Variants in KIAA1614 observed in about 807,000 individuals in gnomAD.
KIAA1614 encodes the protein KIAA1614.
A neutral mutation model predicts 88.7 loss-of-function variants in KIAA1614; 76 were observed. The observed-to-expected ratio is 0.86, with a 90% confidence interval of 0.71 to 1.04. KIAA1614 has a LOEUF of 1.04. KIAA1614 is among the 50% of genes least tolerant of loss of function. The pLI, the probability that KIAA1614 is intolerant of heterozygous loss-of-function variation, is 0.00. For synonymous variants in KIAA1614, 714 were observed against 675.5 expected, an observed-to-expected ratio of 1.06 and a Z score of -0.88; for missense variants, 1,553 against 1,582.5, an observed-to-expected ratio of 0.98 and a Z score of 0.32.
At position 180,935,574 on chromosome 1, in the gene KIAA1614, C is replaced by G. The variant is rs371339970; in HGVS notation, c.1665C>G (p.Pro555=). 1.2e-6 allele frequency: 2 copies of G among 1,605,370 alleles called. No individual in the cohort carries two copies. The highest frequency in any genetic ancestry group is 1.7e-6 in the Non-Finnish European group (2 of 1,176,012). ...DPRPAQGKAP[P]VPRTLQELQA... ...GCCCCGCCCAGGGGAAGGCGCCCCCCGTCCCCAGGACCCTCCAGGAGCTCC... is the reference window on the plus strand; with the variant it reads ...GCCCCGCCCAGGGGAAGGCGCCCCCGGTCCCCAGGACCCTCCAGGAGCTCC... The change falls in exon 5 of 9, where the codon CCC becomes CCG. Residue 555 remains proline, a synonymous_variant. Transcript: ENST00000367588. This position sits in a 1 kb window ranked among gnomAD's most constrained non-coding sequence, Gnocchi z 6.1.
At chr1:180,929,851 C>T (rs1310255238) in intron 4 of KIAA1614, among the ~76,000 whole-genome samples, 4 of 152,168 alleles carry the variant, frequency 2.6e-5, no homozygotes, top group Admixed American at 1.3e-4. Context: ...TGAATCACCA[C>T]GTGGCAGTGG....
chr1:180,940,736 T>C (rs909906615), intron 6 of KIAA1614, among the ~76,000 whole-genome samples: 1 of 151,984 alleles, frequency 6.6e-6, no homozygotes, highest in African/African-American at 2.4e-5. Context: ...TTTCTTTTTT[T>C]TGGGTCTCAC....
intron 1 of KIAA1614, chr1:180,913,707 C>G (rs2280189): frequency 0.28 from 43,130 of 156,446 alleles, 6,356 homozygotes; most frequent in East Asian, 0.5. Flanking sequence ...TCACTGCAAC[C>G]TCGACCTCCC....
At chr1:180,937,252 C>A (rs1382336435) in intron 5 of KIAA1614, among the ~76,000 whole-genome samples, 2 of 152,250 alleles carry the variant, frequency 1.3e-5, no homozygotes, top group Non-Finnish European at 2.9e-5. Flanking sequence ...GAGCAGGAGT[C>A]CTGCCCTTGA....
chr1:180,942,070 C>G (rs957897446), intron 7 of KIAA1614, among the ~76,000 whole-genome samples: 3 of 147,588 alleles, frequency 2.0e-5, no homozygotes, highest in African/African-American at 5.0e-5. Context: ...CCCACCCCCC[C>G]AGCCCCGCTC....
chr1:180,944,283 G>A, intron 7 of KIAA1614, 106 bp from the exon 8 acceptor site: 1 of 1,122,400 alleles, frequency 8.9e-7, no homozygotes, highest in East Asian at 2.5e-5. Flanking sequence ...AAAAGCTTGT[G>A]CTGTCACTTT....
At chr1:180,939,361 T>G (rs1654403660) in intron 6 of KIAA1614, among the ~76,000 whole-genome samples, 1 of 152,202 alleles carries the variant, frequency 6.6e-6, no homozygotes, top group African/African-American at 2.4e-5. Context: ...GACATCTCCA[T>G]CAGGGGGTCT....
At chr1:180,934,539 G>A (rs754590245) in intron 4 of KIAA1614, among the ~76,000 whole-genome samples, 5 of 152,116 alleles carry the variant, frequency 3.3e-5, no homozygotes, top group African/African-American at 4.8e-5. Context: ...GTAGTGAACC[G>A]AGATCATGTC....
At chr1:180,940,617 C>T (rs1174191215) in intron 6 of KIAA1614, among the ~76,000 whole-genome samples, 2 of 152,134 alleles carry the variant, frequency 1.3e-5, no homozygotes, top group Non-Finnish European at 2.9e-5. Context: ...GAGTATCTGG[C>T]AGTCTTTTTT....
chr1:180,917,348 G>A (rs571448599), intron 2 of KIAA1614, among the ~76,000 whole-genome samples: 47 of 152,300 alleles, frequency 3.1e-4, no homozygotes, highest in African/African-American at 9.9e-4. Context: ...GCCACCCTGC[G>A]TGCTTGGGGT....
In KIAA1614 at chr1:180,945,902, C is replaced by T. The variant is rs1654581158; in HGVS notation, c.*314C>T. The T allele has an allele frequency of 8.2e-6, 6 of 734,638 alleles. No homozygotes were observed. The highest frequency in any genetic ancestry group is 5.5e-4 in the Middle Eastern group (1 of 1,802). 45.5% of individuals were successfully genotyped at this position (734,638 alleles called of 1,614,324 possible). A position where few individuals can be genotyped will look rare whatever the true frequency, so the allele number is the denominator to read the frequency against. On this transcript the variant is annotated 3_prime_UTR_variant, in exon 9 of 9. Transcript: ENST00000367588. Reference sequence around the variant, plus strand: ...CCTGGATCACCTGAGGTCAGGAGTTCGAGACCAGTCTGGCCCACATGGTGA... The same window carrying T: ...CCTGGATCACCTGAGGTCAGGAGTTTGAGACCAGTCTGGCCCACATGGTGA...
In KIAA1614 at chr1:180,949,630, G is replaced by A. The variant is rs1052155652; in HGVS notation, c.*4042G>A. 2 of 152,348 alleles carry A rather than the reference G, an allele frequency of 1.3e-5. No homozygotes were observed. The highest frequency in any genetic ancestry group is 4.8e-5 in the African/African-American group (2 of 41,450). 9.4% of individuals were successfully genotyped at this position (152,348 alleles called of 1,614,324 possible). A position where few individuals can be genotyped will look rare whatever the true frequency, so the allele number is the denominator to read the frequency against. ...CTTGGCACCTTCTAGACCCAGGCAG[G>A]GCCTCTTTGGGGTGGGGAGGAGGGG... On this transcript the variant is annotated 3_prime_UTR_variant, in exon 9 of 9. Coordinates refer to ENST00000367588, the MANE Select transcript of KIAA1614 (RefSeq NM_020950.2).
intron 2 of KIAA1614, among the ~76,000 whole-genome samples, 165 bp from the exon 3 acceptor site, chr1:180,917,686 C>T (rs1463074958): frequency 6.6e-6 from 1 of 152,168 alleles, no homozygotes; most frequent in African/African-American, 2.4e-5. Context: ...GTGCCCACAG[C>T]AGTCATCGTG....
chr1:180,913,228 C>G lies in KIAA1614; in HGVS notation c.-16C>G. Reference sequence around the variant, plus strand: ...GGAGGGAGAAGGGGCTGGAGAGGGCCTGGCCTCTCCGAGGGATGGAGGGGA... The same window carrying G: ...GGAGGGAGAAGGGGCTGGAGAGGGCGTGGCCTCTCCGAGGGATGGAGGGGA... On this transcript the variant is annotated 5_prime_UTR_variant, in exon 1 of 9. Transcript: ENST00000367588. 1 of 1,262,326 alleles carries G rather than the reference C, an allele frequency of 7.9e-7. No homozygotes were observed. The highest frequency in any genetic ancestry group is 3.2e-5 in the East Asian group (1 of 31,734). 78.2% of individuals were successfully genotyped at this position (1,262,326 alleles called of 1,614,324 possible).
intron 3 of KIAA1614, among the ~76,000 whole-genome samples, chr1:180,920,592 C>T (rs1241871798): frequency 2.0e-5 from 3 of 152,188 alleles, no homozygotes; most frequent in African/African-American, 7.2e-5. Flanking sequence ...CCATTACAAC[C>T]AAGTTAACCT....
chr1:180,932,336 G>T (rs1654214810), intron 4 of KIAA1614, among the ~76,000 whole-genome samples: 1 of 152,012 alleles, frequency 6.6e-6, no homozygotes, highest in Admixed American at 6.5e-5. Flanking sequence ...ACTTTCGGGG[G>T]CCCTAGGCAC....
chr1:180,948,649 C>G lies in KIAA1614; in HGVS notation c.*3061C>G, dbSNP rs1378952689. 2 of 152,320 alleles carry G rather than the reference C, an allele frequency of 1.3e-5. No homozygotes were observed. The highest frequency in any genetic ancestry group is 1.3e-4 in the Admixed American group (2 of 15,282). The allele number at this position is 152,320 out of a possible 1,614,324, so 9.4% of individuals were successfully genotyped here. ...GCCCCAGGGGCCCCTTCTTACCTGC[C>G]CCCTCCCCGTGCCACCAACCCGTAG... On this transcript the variant is annotated 3_prime_UTR_variant, in exon 9 of 9. Coordinates refer to ENST00000367588, the MANE Select transcript of KIAA1614 (RefSeq NM_020950.2).
intron 3 of KIAA1614, chr1:180,928,213 C>G (rs1271749549): frequency 2.0e-6 from 1 of 504,318 alleles, no homozygotes; most frequent in Non-Finnish European, 3.4e-6. Flanking sequence ...GCTCCCCAGC[C>G]CCCATCCAGA....
chr1:180,941,201 C>CAGCT lies in KIAA1614; in HGVS notation c.3077_3080dup (p.Tyr1027Ter). The CAGCT allele has an allele frequency of 6.2e-7, 1 of 1,613,892 alleles. No individual in the cohort carries two copies. On this transcript the variant is annotated frameshift_variant, in exon 7 of 9. Coordinates refer to ENST00000367588, the MANE Select transcript of KIAA1614 (RefSeq NM_020950.2). LOFTEE classifies it high-confidence loss of function. ...CCCGGCCCAAGCTGGGCAAGTCCCGCAGCTACAGTGTGGAGCAGTTGCAGC... is the reference window on the plus strand; with the variant it reads ...CCCGGCCCAAGCTGGGCAAGTCCCGCAGCTAGCTACAGTGTGGAGCAGTTGCAGC...
Sources: allele counts gnomAD v4.1 joint callset (sites outside exome capture counted in the v4.1 genomes callset), GRCh38; gene constraint gnomAD v4.1.1; non-coding constraint Gnocchi (gnomAD v3.1); transcripts MANE v1.5; gene names NCBI Gene and HGNC (gene_info 2026-07-23, HGNC 2026-07-21).